ATXN7: variants seen among roughly 807,000 people sequenced by gnomAD.
The protein encoded by ATXN7 is ataxin-7.
A neutral mutation model predicts 70.5 loss-of-function variants in ATXN7; 12 were observed. The observed-to-expected ratio is 0.17, with a 90% CI of 0.11 to 0.28. The LOEUF (loss-of-function observed/expected upper bound fraction) is 0.28, where lower values mean the gene tolerates loss of function less well. Ranked by LOEUF, ATXN7 falls within the 10% of genes least tolerant of loss-of-function variation. ATXN7 has a pLI of 1.00. For missense variants in ATXN7, 1,256 were observed against 1,131.7 expected (o/e 1.11, Z -1.58); for synonymous variants, 498 against 448.7 (o/e 1.11, Z -1.39).
Position 63,996,202 on chromosome 3 carries a change from ATGG to A in ATXN7, c.2383_2385del (p.Val795del). 6.2e-7 allele frequency: 1 copy of A among 1,614,152 alleles called. No individual in the cohort carries two copies. The highest frequency in any genetic ancestry group is 1.1e-5 in the South Asian group (1 of 91,084). On this transcript the variant is annotated inframe_deletion, in exon 12 of 13. Coordinates refer to ENST00000674280, the MANE Select transcript of ATXN7 (RefSeq NM_001377405.1). ...TGAATCCATCAAGAGGATGAGTGTG[ATGG>A]TGAACAGCAGTGATTCTACTCTTTC...
In ATXN7 at chr3:63,982,285, C is replaced by T; in HGVS notation, c.852C>T (p.Ser284=). 2 of 1,614,176 alleles carry T rather than the reference C, an allele frequency of 1.2e-6. No homozygotes were observed. The highest frequency in any genetic ancestry group is 1.7e-6 in the Non-Finnish European group (2 of 1,180,032). ...VGPTCPATVS[S]LVKPGLNCPS... is the part of the protein sequence containing the mutation. ...CAACCTGTCCTGCTACTGTGAGTTCCTTAGTCAAGCCTGGCCTTAACTGCC... is the reference window on the plus strand; with the variant it reads ...CAACCTGTCCTGCTACTGTGAGTTCTTTAGTCAAGCCTGGCCTTAACTGCC... Residue 284 remains serine (S), a synonymous_variant, in exon 7 of 13, where the codon TCC becomes TCT. Transcript: ENST00000674280.
intron 1 of ATXN7, among the ~76,000 whole-genome samples, chr3:63,887,990 A>G (rs116410584): frequency 0.037 from 5,682 of 151,872 alleles, 141 homozygotes; most frequent in Non-Finnish European, 0.054. Flanking sequence ...CCTTTGTAAG[A>G]TACCCAGATA....
In ATXN7 at chr3:63,996,282, C is replaced by T; in HGVS notation, c.2460C>T (p.Gly820=). The part of the protein sequence containing the change: ...QSNELPVNSH[G]SFSHSHTPLD... ...ATGAACTGCCTGTCAACTCCCACGG[C>T]AGTTTTTCCCACTCACACACTCCTC... The change falls in exon 12 of 13, where the codon GGC becomes GGT. Residue 820 remains glycine (G), a synonymous_variant. Coordinates refer to ENST00000674280, the MANE Select transcript of ATXN7 (RefSeq NM_001377405.1). 1.2e-6 allele frequency: 2 copies of T among 1,614,160 alleles called. No homozygotes were observed. The highest frequency in any genetic ancestry group is 1.7e-6 in the Non-Finnish European group (2 of 1,180,036).
intron 5 of ATXN7, among the ~76,000 whole-genome samples, chr3:63,978,294 A>T (rs1201237551): frequency 9.9e-5 from 15 of 152,028 alleles, no homozygotes; most frequent in Non-Finnish European, 2.2e-4. Context: ...TTCCAAAATC[A>T]CTCCTTTTCA....
chr3:63,917,370 A>C (rs1379818676), intron 4 of ATXN7, among the ~76,000 whole-genome samples: 2 of 152,254 alleles, frequency 1.3e-5, no homozygotes, highest in African/African-American at 4.8e-5. Context: ...GTGAAAGTTA[A>C]CAAAATTATG....
chr3:63,871,952 TCA>T (rs1342074467), intron 1 of ATXN7, among the ~76,000 whole-genome samples: 1 of 152,216 alleles, frequency 6.6e-6, no homozygotes, highest in Non-Finnish European at 1.5e-5. Flanking sequence ...CAAATTCAAC[TCA>T]CCTTTATTTG....
chr3:63,922,138 C>G (rs1704533942), intron 4 of ATXN7, among the ~76,000 whole-genome samples: 2 of 152,046 alleles, frequency 1.3e-5, no homozygotes, highest in Admixed American at 6.5e-5. Flanking sequence ...TTCCTGGTCT[C>G]AAGCAATCCT....
At chr3:63,958,495 A>G (rs75948081) in intron 5 of ATXN7, among the ~76,000 whole-genome samples, 1,634 of 152,298 alleles carry the variant, frequency 0.011, 24 homozygotes, top group African/African-American at 0.036. Flanking sequence ...AGCAATTGCC[A>G]TCGTATAATT....
In ATXN7 at chr3:64,001,278, A is replaced by G. The variant is rs1345304732; in HGVS notation, c.*1811A>G. 6.6e-6 allele frequency: 1 copy of G among 152,212 alleles called. No homozygotes were observed. Among genetic ancestry groups the G allele is most frequent in the Non-Finnish European group, 1.5e-5 (1 of 68,038 alleles). 9.4% of individuals were successfully genotyped at this position (152,212 alleles called of 1,614,324 possible). On this transcript the variant is annotated 3_prime_UTR_variant, in exon 13 of 13. Coordinates refer to ENST00000674280, the MANE Select transcript of ATXN7 (RefSeq NM_001377405.1). The stretch of plus-strand genomic sequence containing the variant: ...TATCTTGTTCAATTATTATGCAATC[A>G]ATCAGTAAATGTTTTTAAAATGATA...
chr3:63,912,863 G>GTGA lies in ATXN7; in HGVS notation c.268_270dup (p.Met90dup). 1 of 1,613,452 alleles carries GTGA rather than the reference G, an allele frequency of 6.2e-7. No homozygotes were observed. Among genetic ancestry groups the GTGA allele is most frequent in the Non-Finnish European group, 8.5e-7 (1 of 1,179,754 alleles). On this transcript the variant is annotated inframe_insertion, in exon 3 of 13. Coordinates refer to ENST00000674280, the MANE Select transcript of ATXN7 (RefSeq NM_001377405.1). ...GCGCAGGCCTCTGCCCAGTCCTGAA[G>GTGA]TGATGCTGGGACAGTCGTGGAATCT...
At chr3:63,933,865 T>A (rs1029736760) in intron 4 of ATXN7, among the ~76,000 whole-genome samples, 5 of 152,066 alleles carry the variant, frequency 3.3e-5, no homozygotes, top group Admixed American at 6.6e-5. Flanking sequence ...TGATGCTTCA[T>A]AACTGTCGTT....
intron 2 of ATXN7, chr3:63,912,097 C>T (rs1156535503): frequency 6.6e-6 from 1 of 152,168 alleles, no homozygotes; most frequent in African/African-American, 2.4e-5. Flanking sequence ...GGGAGCCGGC[C>T]GGGTGCCGCC....
At chr3:63,868,865 A>G (rs1350907632) in intron 1 of ATXN7, among the ~76,000 whole-genome samples, 1 of 152,180 alleles carries the variant, frequency 6.6e-6, no homozygotes, top group African/African-American at 2.4e-5. Context: ...CAGGGACTTC[A>G]TGGGTGGAAG....
chr3:63,959,839 G>T (rs1559646835), intron 5 of ATXN7, among the ~76,000 whole-genome samples: 2 of 152,132 alleles, frequency 1.3e-5, no homozygotes, highest in Admixed American at 6.5e-5. Context: ...CTTTAGAAAG[G>T]AATTAAACTA....
Position 63,952,464 on chromosome 3 carries a change from G to A in ATXN7, c.480G>A (p.Gln160=), listed in dbSNP as rs1448225103. ...ACTGTAATCAGGTTGTCAAACCGCA[G>A]GCATTTCAATCACATTATGGTAAGT... The part of the protein sequence containing the change: ...CNDCNQVVKP[Q]AFQSHYERRH... Residue 160 remains glutamine, a synonymous_variant, in exon 5 of 13, where the codon CAG becomes CAA. Coordinates refer to ENST00000674280, the MANE Select transcript of ATXN7 (RefSeq NM_001377405.1). 6.2e-7 allele frequency: 1 copy of A among 1,610,508 alleles called. No individual in the cohort carries two copies. The highest frequency in any genetic ancestry group is 1.7e-5 in the Admixed American group (1 of 59,000).
At chr3:63,954,622 C>G (rs2075009543) in intron 5 of ATXN7, among the ~76,000 whole-genome samples, 1 of 151,592 alleles carries the variant, frequency 6.6e-6, no homozygotes, top group Non-Finnish European at 1.5e-5. Flanking sequence ...CATTTACTCA[C>G]TGGTTACAGT....
intron 9 of ATXN7, among the ~76,000 whole-genome samples, chr3:63,989,072 C>G (rs2075623775): frequency 1.3e-5 from 2 of 152,216 alleles, no homozygotes; most frequent in Admixed American, 1.3e-4. Context: ...TTCACCCTCA[C>G]ATGTCTGATC....
rs1186333421 is a variant in ATXN7 at position 63,990,120 on chromosome 3, G to T, written c.1362-56G>T. ...GGACACACTGTTGTATCTCAGTTAA[G>T]GTGGCTGATTCCCAGGTGTGTGATC... On this transcript the variant is annotated intron_variant, in intron 9 of 12. Coordinates refer to ENST00000674280, the MANE Select transcript of ATXN7 (RefSeq NM_001377405.1). The T allele has an allele frequency of 1.9e-6, 3 of 1,552,274 alleles. No homozygotes were observed. In the East Asian group the frequency reaches 6.7e-5, roughly 35 times the overall value.
intron 2 of ATXN7, among the ~76,000 whole-genome samples, 200 bp from the exon 3 acceptor site, chr3:63,912,387 AG>A (rs1704059604): frequency 6.6e-6 from 1 of 150,466 alleles, no homozygotes; most frequent in South Asian, 2.1e-4. Context: ...CGAAAGCGAA[AG>A]CTAGCCCGCG....
Sources: gnomAD v4.1 joint callset for allele counts (sites outside exome capture counted in the v4.1 genomes callset) on GRCh38, gnomAD v4.1.1 for gene constraint, MANE v1.5 for transcripts, NCBI Gene and HGNC (gene_info 2026-07-23, HGNC 2026-07-21) for gene names.